The following NHSL3 variants were observed in gnomAD, a reference collection of about 807,000 sequenced individuals.
The protein encoded by NHSL3 is NHS-like protein 3.
At chr1:32,771,357 C>G in the NHSL3 span, 1 of 1,591,644 alleles carries the variant, frequency 6.3e-7, no homozygotes, top group African/African-American at 1.3e-5. Context: ...TCTCCAAAGA[C>G]CAGTCACCCC....
At chr1:32,764,299 A>G in the NHSL3 span, among the ~76,000 whole-genome samples, 1 of 147,124 alleles carries the variant, frequency 6.8e-6, no homozygotes, top group East Asian at 2.0e-4. Context: ...TCATCCATGT[A>G]TTCATCAAAT....
At chr1:32,773,171 G>C in the NHSL3 span, 2 of 523,894 alleles carry the variant, frequency 3.8e-6, no homozygotes, top group Non-Finnish European at 3.4e-6. Context: ...GGAGAGGGTG[G>C]CTGCGCCCCC....
the NHSL3 span, among the ~76,000 whole-genome samples, chr1:32,749,407 GCTCCAGTATGGGC>G: frequency 6.6e-6 from 1 of 152,190 alleles, no homozygotes; most frequent in East Asian, 1.9e-4. Context: ...GATAGGTAAT[GCTCCAGTATGGGC>G]CCCCAGAGAT....
At chr1:32,772,324 G>A in the NHSL3 span, 3 of 1,605,958 alleles carry the variant, frequency 1.9e-6, no homozygotes, top group Admixed American at 3.4e-5. Context: ...GCCCCTTACT[G>A]CTCCTCCCAC....
the NHSL3 span, chr1:32,769,592 T>C: frequency 9.3e-7 from 1 of 1,079,138 alleles, no homozygotes; most frequent in Non-Finnish European, 1.4e-6. Flanking sequence ...CTCGCAGAGC[T>C]CTTATTACAA....
the NHSL3 span, chr1:32,771,875 C>A: frequency 6.3e-7 from 1 of 1,595,058 alleles, no homozygotes; most frequent in South Asian, 1.1e-5. Context: ...GGAGGGGCTC[C>A]CACCCCAGCA....
At chr1:32,748,659 G>A in the NHSL3 span, among the ~76,000 whole-genome samples, 2 of 152,108 alleles carry the variant, frequency 1.3e-5, no homozygotes, top group African/African-American at 4.8e-5. Flanking sequence ...GTTGGGGTTG[G>A]GCAGTATATG....
At chr1:32,746,778 T>C in the NHSL3 span, among the ~76,000 whole-genome samples, 1 of 152,134 alleles carries the variant, frequency 6.6e-6, no homozygotes, top group Admixed American at 6.6e-5. Flanking sequence ...GAGGCCACAC[T>C]CTACAAAGAA....
chr1:32,763,867 C>T, the NHSL3 span, among the ~76,000 whole-genome samples: 7 of 152,122 alleles, frequency 4.6e-5, no homozygotes, highest in South Asian at 1.5e-3. Flanking sequence ...AGCCACCGCG[C>T]CTGGCTGATT....
chr1:32,754,254 C>G, the NHSL3 span: 4 of 670,164 alleles, frequency 6.0e-6, no homozygotes, highest in South Asian at 1.6e-5. Context: ...GCTGCTGCCC[C>G]CTCCCGGGGC....
the NHSL3 span, chr1:32,765,969 C>G: frequency 1.2e-6 from 1 of 814,634 alleles, no homozygotes; most frequent in South Asian, 1.6e-5. Context: ...ATCTCCCATC[C>G]GGCTGTGCTT....
chr1:32,774,240 G>A, the NHSL3 span: 1 of 152,418 alleles, frequency 6.6e-6, no homozygotes, highest in Non-Finnish European at 1.5e-5. Flanking sequence ...AAGGAACCTT[G>A]CTTTTAGCTT....
At chr1:32,751,655 G>A in the NHSL3 span, among the ~76,000 whole-genome samples, 3 of 152,170 alleles carry the variant, frequency 2.0e-5, no homozygotes. Flanking sequence ...AAGAGGGGGT[G>A]CAAGGAAGAC....
At chr1:32,770,106 C>G in the NHSL3 span, 1 of 1,556,844 alleles carries the variant, frequency 6.4e-7, no homozygotes, top group Non-Finnish European at 8.7e-7. This position sits in a 1 kb window ranked among gnomAD's most constrained non-coding sequence, Gnocchi z 8.3. Flanking sequence ...TTGGCCGGTC[C>G]ACGGGTACCC....
At chr1:32,767,764 C>T in the NHSL3 span, 1 of 1,586,684 alleles carries the variant, frequency 6.3e-7, no homozygotes, top group Non-Finnish European at 8.6e-7. Flanking sequence ...TACCTCATTT[C>T]CCTTCCTCCT....
chr1:32,748,627 C>T, the NHSL3 span, among the ~76,000 whole-genome samples: 1 of 152,168 alleles, frequency 6.6e-6, no homozygotes, highest in Admixed American at 6.5e-5. Flanking sequence ...TCCCCAGACC[C>T]TAGAGCAAGG....
At chr1:32,750,633 G>C in the NHSL3 span, among the ~76,000 whole-genome samples, 1 of 148,324 alleles carries the variant, frequency 6.7e-6, no homozygotes, top group Admixed American at 6.7e-5. Context: ...TCAGCCTCCC[G>C]AGTAGCTGGG....
the NHSL3 span, chr1:32,772,099 T>A: frequency 2.5e-6 from 4 of 1,613,120 alleles, no homozygotes; most frequent in Non-Finnish European, 2.5e-6. Flanking sequence ...CAGTTTCATC[T>A]TCTCCAAGGG....
chr1:32,774,612 CT>C, the NHSL3 span: 2 of 152,454 alleles, frequency 1.3e-5, no homozygotes, highest in African/African-American at 2.4e-5. Flanking sequence ...GAGAACCTGA[CT>C]TCTCTTTCCC....
Sources: allele counts gnomAD v4.1 joint callset (sites outside exome capture counted in the v4.1 genomes callset), GRCh38; gene constraint gnomAD v4.1.1; non-coding constraint Gnocchi (gnomAD v3.1); transcripts MANE v1.5; gene names NCBI Gene and HGNC (gene_info 2026-07-23, HGNC 2026-07-21).